CACNB2: variants seen among roughly 807,000 people sequenced by gnomAD.
CACNB2 encodes the protein calcium voltage-gated channel auxiliary subunit beta 2, also known as voltage-dependent L-type calcium channel subunit beta-2.
Under a neutral mutation model 73.3 loss-of-function variants are expected in CACNB2, and 42 were observed. That is an observed-to-expected ratio of 0.57 (90% CI 0.45 to 0.74). CACNB2 has a LOEUF of 0.74. CACNB2 is among the 30% of genes least tolerant of loss of function. The pLI is 0.00. For missense variants in CACNB2, 940 were observed against 853.0 expected, an observed-to-expected ratio of 1.10 and a Z score of -1.27; for synonymous variants, 348 against 310.3, an observed-to-expected ratio of 1.12 and a Z score of -1.28.
intron 2 of CACNB2, among the ~76,000 whole-genome samples, chr10:18,387,927 TAA>T (rs2043303448): frequency 6.6e-6 from 1 of 152,116 alleles, no homozygotes; most frequent in African/African-American, 2.4e-5. Context: ...CAGCTCGTTT[TAA>T]AATTTTTTGT....
chr10:18,267,016 ATG>A (rs927744620), intron 2 of CACNB2, among the ~76,000 whole-genome samples: 10 of 151,504 alleles, frequency 6.6e-5, no homozygotes, highest in African/African-American at 1.9e-4. Context: ...GTGTGTATAT[ATG>A]TGTGTGTGTG....
intron 2 of CACNB2, among the ~76,000 whole-genome samples, chr10:18,155,450 T>G (rs1444966287): frequency 6.6e-6 from 1 of 152,250 alleles, no homozygotes; most frequent in African/African-American, 2.4e-5. Context: ...ACATTTGATT[T>G]ATGTGCTCTA....
intron 3 of CACNB2, among the ~76,000 whole-genome samples, chr10:18,427,191 G>A (rs2045650699): frequency 1.3e-5 from 2 of 151,966 alleles, no homozygotes; most frequent in South Asian, 2.1e-4. Flanking sequence ...CCAACCTCAG[G>A]TGATCCACCT....
intron 2 of CACNB2, among the ~76,000 whole-genome samples, chr10:18,397,605 C>G (rs539025776): frequency 5.9e-5 from 9 of 151,692 alleles, no homozygotes; most frequent in African/African-American, 2.2e-4. Context: ...ATCCCAGCTA[C>G]TCAGGAGGCT....
chr10:18,527,636 G>C lies in CACNB2; in HGVS notation c.993G>C (p.Ser331=). 6.2e-7 allele frequency: 1 copy of C among 1,613,884 alleles called. No individual in the cohort carries two copies. Among genetic ancestry groups the C allele is most frequent in the Non-Finnish European group, 8.5e-7 (1 of 1,179,934 alleles). The change falls in exon 10 of 14, where the codon TCG becomes TCC. Residue 331 remains serine (S), a synonymous_variant. Transcript: ENST00000324631. ...VTADISLAKR[S]VLNNPSKHAI... is the part of the protein sequence containing the mutation. ...CTGACATCTCGCTTGCCAAACGCTCGGTATTAAACAATCCCAGTAAGCACG... is the reference window on the plus strand; with the variant it reads ...CTGACATCTCGCTTGCCAAACGCTCCGTATTAAACAATCCCAGTAAGCACG...
At chr10:18,335,784 A>ACACAC (rs2040978930) in intron 2 of CACNB2, among the ~76,000 whole-genome samples, 2 of 143,974 alleles carry the variant, frequency 1.4e-5, no homozygotes, top group African/African-American at 5.2e-5. Flanking sequence ...ACAGCAAGAA[A>ACACAC]ACACACACAC....
intron 1 of CACNB2, among the ~76,000 whole-genome samples, chr10:18,144,428 A>T (rs1040764670): frequency 1.3e-5 from 2 of 152,238 alleles, no homozygotes; most frequent in Admixed American, 6.5e-5. Context: ...ATCTAACTGC[A>T]AATTCTTGAA....
At chr10:18,249,495 C>A (rs1024045592) in intron 2 of CACNB2, among the ~76,000 whole-genome samples, 1 of 152,180 alleles carries the variant, frequency 6.6e-6, no homozygotes, top group African/African-American at 2.4e-5. Context: ...CCCACTGTAT[C>A]AAATTGTTCA....
In CACNB2 at chr10:18,264,367, G is replaced by A. The variant is rs115938802; in HGVS notation, c.213+113392G>A. Among the ~76,000 whole-genome samples, 754 of 152,078 alleles carry A rather than the reference G, an allele frequency of 5.0e-3. 13 individuals are homozygous for A. The highest frequency in any genetic ancestry group is 0.017 in the African/African-American group (709 of 41,468). ...AGTTATTTTAAAATGTACTATTATCGAAGTATAACATACATGCAGAAAAGT... is the reference window on the plus strand; with the variant it reads ...AGTTATTTTAAAATGTACTATTATCAAAGTATAACATACATGCAGAAAAGT... On this transcript the variant is annotated intron_variant, in intron 2 of 13. Coordinates refer to ENST00000324631, the MANE Select transcript of CACNB2 (RefSeq NM_201596.3).
At chr10:18,535,092 A>G (rs377595445) in intron 11 of CACNB2, among the ~76,000 whole-genome samples, 1 of 152,352 alleles carries the variant, frequency 6.6e-6, no homozygotes, top group Non-Finnish European at 1.5e-5. Context: ...ATAATGTATA[A>G]TGAAATATGT....
At chr10:18,187,179 G>A (rs2034191983) in intron 2 of CACNB2, among the ~76,000 whole-genome samples, 1 of 152,158 alleles carries the variant, frequency 6.6e-6, no homozygotes, top group African/African-American at 2.4e-5. Context: ...AGATGGGTCA[G>A]GAGGAAGGCC....
intron 2 of CACNB2, among the ~76,000 whole-genome samples, chr10:18,171,075 T>C (rs530915444): frequency 2.0e-5 from 3 of 152,146 alleles, no homozygotes; most frequent in Non-Finnish European, 4.4e-5. Flanking sequence ...AAATCGCTGT[T>C]CTTGTTGTTT....
intron 2 of CACNB2, among the ~76,000 whole-genome samples, chr10:18,240,881 C>A (rs150132573): frequency 3.7e-4 from 57 of 152,262 alleles, no homozygotes; most frequent in African/African-American, 1.4e-3. Context: ...CCCTCTCTCG[C>A]TCTTGTTTCC....
intron 2 of CACNB2, among the ~76,000 whole-genome samples, chr10:18,221,760 A>G (rs2035801564): frequency 6.6e-6 from 1 of 152,226 alleles, no homozygotes; most frequent in Non-Finnish European, 1.5e-5. Context: ...TTCATTGCAA[A>G]AGAAGTAAAA....
At chr10:18,373,476 T>C (rs542083362) in intron 2 of CACNB2, among the ~76,000 whole-genome samples, 6 of 152,322 alleles carry the variant, frequency 3.9e-5, no homozygotes, top group Admixed American at 3.3e-4. Flanking sequence ...TTCCAAACAA[T>C]GTTTTTATAT....
chr10:18,256,958 T>C (rs1392729281), intron 2 of CACNB2: 4 of 152,006 alleles, frequency 2.6e-5, no homozygotes, highest in Non-Finnish European at 5.9e-5. Context: ...AAATTAATAA[T>C]AATAACAATA....
At chr10:18,433,873 TTTGTTG>T (rs143561512) in intron 3 of CACNB2, among the ~76,000 whole-genome samples, 5,583 of 149,872 alleles carry the variant, frequency 0.037, 100 homozygotes, top group Middle Eastern at 0.045. Flanking sequence ...TAAATCAGAT[TTTGTTG>T]TTGTTGTTGT....
chr10:18,242,693 G>T (rs913220359), intron 2 of CACNB2, among the ~76,000 whole-genome samples: 1 of 152,038 alleles, frequency 6.6e-6, no homozygotes. Flanking sequence ...AAGAAAACAT[G>T]CAAAAAGTTG....
At chr10:18,164,918 A>G (rs909029604) in intron 2 of CACNB2, among the ~76,000 whole-genome samples, 21 of 152,294 alleles carry the variant, frequency 1.4e-4, no homozygotes, top group Middle Eastern at 3.4e-3. Flanking sequence ...ATGGGTTCTT[A>G]CTGACTCATT....
Sources: allele counts gnomAD v4.1 joint callset (sites outside exome capture counted in the v4.1 genomes callset), GRCh38; gene constraint gnomAD v4.1.1; transcripts MANE v1.5; gene names NCBI Gene and HGNC (gene_info 2026-07-23, HGNC 2026-07-21).